Variants in RPH3A observed in about 807,000 individuals in gnomAD.
The protein encoded by RPH3A is rabphilin 3A.
A neutral mutation model predicts 102.2 loss-of-function variants in RPH3A; 48 were observed. The ratio of observed to expected loss-of-function variants is 0.47; its 90% CI spans 0.37 to 0.60. The LOEUF is 0.60. RPH3A is among the 20% of genes least tolerant of loss of function. The pLI, the probability that RPH3A is intolerant of heterozygous loss-of-function variation, is 0.00. For missense variants in RPH3A, 781 were observed against 910.1 expected, an observed-to-expected ratio of 0.86 and a Z score of 1.83; for synonymous variants, 310 against 324.3, an observed-to-expected ratio of 0.96 and a Z score of 0.47.
intron 2 of RPH3A, among the ~76,000 whole-genome samples, chr12:112,807,283 A>G (rs750653919): frequency 1.3e-5 from 2 of 152,114 alleles, no homozygotes; most frequent in Non-Finnish European, 2.9e-5. Flanking sequence ...ACTGGCCCAG[A>G]AAGGGCTGCA....
intron 1 of RPH3A, among the ~76,000 whole-genome samples, chr12:112,779,461 T>C (rs1205245431): frequency 2.0e-5 from 3 of 152,222 alleles, no homozygotes; most frequent in Non-Finnish European, 4.4e-5. Flanking sequence ...TTCCTGTAGC[T>C]GCGGGTCTGC....
At chr12:112,881,951 C>G in intron 15 of RPH3A, 105 bp downstream of exon 15, 1 of 752,954 alleles carries the variant, frequency 1.3e-6, no homozygotes, top group Non-Finnish European at 2.2e-6. Flanking sequence ...CCCCAAATCC[C>G]CAACCCCACC....
chr12:112,757,767 G>C (rs892145217), intron 1 of RPH3A, among the ~76,000 whole-genome samples: 1 of 152,140 alleles, frequency 6.6e-6, no homozygotes, highest in Non-Finnish European at 1.5e-5. Context: ...TGGGTCTATA[G>C]GCTTTAGGTA....
rs1262393639 is a variant in RPH3A at position 112,826,470 on chromosome 12, A to G, written c.-18-1831A>G. Among the ~76,000 whole-genome samples, 3 of 152,192 alleles carry G rather than the reference A, an allele frequency of 2.0e-5. No homozygotes were observed. In the East Asian group the frequency reaches 5.8e-4, roughly 29 times the overall value. On this transcript the variant is annotated intron_variant, in intron 2 of 21. Coordinates refer to ENST00000389385, the MANE Select transcript of RPH3A (RefSeq NM_001143854.2). ...ATGAAGGGAAGGCCATAAAGTACAC[A>G]CATCTCAAGAGTTTAGCTTGATGGC...
intron 1 of RPH3A, among the ~76,000 whole-genome samples, chr12:112,741,265 A>T (rs1349381163): frequency 6.6e-6 from 1 of 152,006 alleles, no homozygotes; most frequent in Non-Finnish European, 1.5e-5. Context: ...TTTTCTCATC[A>T]ATTGCCTTTC....
intron 1 of RPH3A, among the ~76,000 whole-genome samples, chr12:112,634,424 C>T (rs1480513956): frequency 1.3e-4 from 19 of 144,868 alleles, no homozygotes; most frequent in South Asian, 4.5e-4. Flanking sequence ...GGCGTGGTGG[C>T]GGGCACCTGT....
intron 10 of RPH3A, among the ~76,000 whole-genome samples, chr12:112,871,529 T>C (rs1593109790): frequency 6.6e-6 from 1 of 152,186 alleles, no homozygotes; most frequent in Non-Finnish European, 1.5e-5. Flanking sequence ...CAGAATTTCT[T>C]TCCTTTTTAA....
chr12:112,727,596 C>A (rs1294926269), intron 1 of RPH3A, among the ~76,000 whole-genome samples: 1 of 147,398 alleles, frequency 6.8e-6, no homozygotes, highest in Non-Finnish European at 1.5e-5. Flanking sequence ...GTGTTTCTTT[C>A]CCATGGAAAG....
intron 5 of RPH3A, among the ~76,000 whole-genome samples, chr12:112,861,066 A>G (rs2042504336): frequency 6.6e-6 from 1 of 152,196 alleles, no homozygotes; most frequent in African/African-American, 2.4e-5. Context: ...AAAGAGATCA[A>G]TGCAGACATG....
chr12:112,780,853 C>A (rs1195454925), intron 1 of RPH3A, among the ~76,000 whole-genome samples: 1 of 152,132 alleles, frequency 6.6e-6, no homozygotes, highest in East Asian at 1.9e-4. Context: ...ATGAAACTTC[C>A]TATGAAATTA....
At chr12:112,763,232 C>T (rs1026824566) in intron 1 of RPH3A, among the ~76,000 whole-genome samples, 2 of 152,298 alleles carry the variant, frequency 1.3e-5, no homozygotes, top group Middle Eastern at 3.4e-3. Context: ...GGTGTGCATT[C>T]AATAAATGCT....
At chr12:112,617,512 C>A (rs113363955) in intron 1 of RPH3A, among the ~76,000 whole-genome samples, 1 of 152,164 alleles carries the variant, frequency 6.6e-6, no homozygotes, top group African/African-American at 2.4e-5. Context: ...TACAAAGTAC[C>A]TTTTATAGGC....
At chr12:112,864,087 C>T (rs1157403492) in intron 5 of RPH3A, among the ~76,000 whole-genome samples, 1 of 152,144 alleles carries the variant, frequency 6.6e-6, no homozygotes, top group Non-Finnish European at 1.5e-5. Context: ...TGAGGAAGTA[C>T]CAGGTTGCTA....
chr12:112,651,140 G>A (rs1043633435), intron 1 of RPH3A, among the ~76,000 whole-genome samples: 21 of 151,878 alleles, frequency 1.4e-4, no homozygotes, highest in Non-Finnish European at 2.4e-4. Context: ...CGGGTGGATC[G>A]CTTGAGCTCA....
At chr12:112,652,882 G>T (rs78585370) in intron 1 of RPH3A, among the ~76,000 whole-genome samples, 1,903 of 152,172 alleles carry the variant, frequency 0.013, 40 homozygotes, top group African/African-American at 0.043. Flanking sequence ...AGGTGATTTC[G>T]TTGTCATTTG....
chr12:112,601,511 C>T (rs1178544474), intron 1 of RPH3A, among the ~76,000 whole-genome samples: 1 of 151,836 alleles, frequency 6.6e-6, no homozygotes. Context: ...TGGGTGAATC[C>T]CCCAAAAAAC....
At chr12:112,759,882 T>A (rs779441830) in intron 1 of RPH3A, among the ~76,000 whole-genome samples, 7 of 152,140 alleles carry the variant, frequency 4.6e-5, no homozygotes, top group Non-Finnish European at 1.0e-4. Flanking sequence ...TTCCTTCCAA[T>A]GACAGGTAAG....
At chr12:112,887,690 C>T (rs1215397331) in intron 16 of RPH3A, 107 bp from the exon 17 acceptor site, 8 of 1,201,614 alleles carry the variant, frequency 6.7e-6, no homozygotes, top group African/African-American at 1.5e-5. Flanking sequence ...ATATTATTTC[C>T]ACATACATTA....
chr12:112,714,626 A>C (rs1294027108), intron 1 of RPH3A, among the ~76,000 whole-genome samples: 13 of 152,050 alleles, frequency 8.5e-5, no homozygotes, highest in Non-Finnish European at 1.5e-5. Context: ...CAAGTATAGG[A>C]TTTTCTCTTT....
Sources: allele counts gnomAD v4.1 joint callset (sites outside exome capture counted in the v4.1 genomes callset), GRCh38; gene constraint gnomAD v4.1.1; transcripts MANE v1.5; gene names NCBI Gene and HGNC (gene_info 2026-07-23, HGNC 2026-07-21).